The following VWA8 variants were observed in gnomAD, a reference collection of about 807,000 sequenced individuals.
The protein encoded by VWA8 is von Willebrand factor A domain-containing protein 8.
VWA8 carries 221 observed loss-of-function variants against 241.5 expected under a neutral mutation model. The ratio of observed to expected loss-of-function variants is 0.91; its 90% CI spans 0.82 to 1.02. The LOEUF (loss-of-function observed/expected upper bound fraction) is 1.02, where lower values mean the gene tolerates loss of function less well. VWA8 is among the 50% of genes least tolerant of loss of function. The pLI, the probability that VWA8 is intolerant of heterozygous loss-of-function variation, is 0.00. For missense variants in VWA8, 2,322 were observed against 2,328.7 expected, an observed-to-expected ratio of 1.00 and a Z score of 0.06; for synonymous variants, 852 against 827.1, an observed-to-expected ratio of 1.03 and a Z score of -0.52.
intron 2 of VWA8, among the ~76,000 whole-genome samples, chr13:41,924,930 A>G (rs1245743428): frequency 1.3e-5 from 2 of 152,108 alleles, no homozygotes; most frequent in Non-Finnish European, 1.5e-5. Flanking sequence ...AAAGTCTCCA[A>G]ACAGATTTAA....
chr13:41,611,480 G>C, intron 39 of VWA8, 96 bp downstream of exon 39: 1 of 1,465,762 alleles, frequency 6.8e-7, no homozygotes, highest in East Asian at 2.4e-5. Context: ...GCATGAGGTG[G>C]AGGTGGAAAC....
rs367772701 is a variant in VWA8, at chr13:41,618,453, T to A, written c.4612-3369A>T. 2.4e-4 allele frequency among the ~76,000 whole-genome samples: 37 copies of A among 152,372 alleles called. No individual in the cohort carries two copies. The East Asian group carries it at 5.2e-3, about 21-fold the overall frequency. ...TGTTCACTCTGATGGTAGTTTCTTTTGCTGTGCAGAAGCTCTTTAGTTTAT... is the reference window on the plus strand; with the variant it reads ...TGTTCACTCTGATGGTAGTTTCTTTAGCTGTGCAGAAGCTCTTTAGTTTAT... On this transcript the variant is annotated intron_variant, in intron 37 of 44. Coordinates refer to ENST00000379310, the MANE Select transcript of VWA8 (RefSeq NM_015058.2).
intron 37 of VWA8, among the ~76,000 whole-genome samples, chr13:41,641,020 C>G (rs909308998): frequency 2.0e-5 from 3 of 152,154 alleles, no homozygotes; most frequent in Admixed American, 6.5e-5. Context: ...TCCTCCTATT[C>G]TGTCCTGATT....
intron 21 of VWA8, among the ~76,000 whole-genome samples, chr13:41,742,402 A>C (rs1360152856): frequency 3.9e-5 from 6 of 152,354 alleles, no homozygotes; most frequent in African/African-American, 1.2e-4. Flanking sequence ...CAAAGGAGAC[A>C]GAGATGGGAA....
intron 24 of VWA8, among the ~76,000 whole-genome samples, chr13:41,723,168 T>A (rs1161652677): frequency 1.3e-5 from 2 of 152,176 alleles, no homozygotes; most frequent in African/African-American, 4.8e-5. Context: ...TCTGTCTCTC[T>A]CTCTTTCTTT....
rs781484442 is a variant in VWA8, at chr13:41,701,515, T to G, written c.3241A>C (p.Asn1081His). 5 of 1,606,756 alleles carry G rather than the reference T, an allele frequency of 3.1e-6. No individual in the cohort carries two copies. The Admixed American group carries it at 6.8e-5, about 22-fold the overall frequency. ...CTTTCTATTGGATACTCCTGTATAT[T>G]TATAAGTGCTGGACCCTATAATAAA... Reference protein sequence around the residue: ...HIDIKGPALINIQEYPIERHE... With the variant: ...HIDIKGPALIHIQEYPIERHE... The change falls in exon 28 of 45, where the codon AAT becomes CAT. Residue 1081 changes from asparagine (N) to histidine (H), a missense_variant. Coordinates refer to ENST00000379310, the MANE Select transcript of VWA8 (RefSeq NM_015058.2).
intron 26 of VWA8, among the ~76,000 whole-genome samples, chr13:41,716,212 A>G (rs1047964559): frequency 6.6e-6 from 1 of 152,046 alleles, no homozygotes; most frequent in Non-Finnish European, 1.5e-5. Flanking sequence ...GAAGAGCTCC[A>G]TTATGGCAGG....
rs1421391145 is a variant in VWA8, at chr13:41,911,897, TA to T, written c.372+140del. 9.1e-6 allele frequency: 10 copies of T among 1,092,990 alleles called. No homozygotes were observed. In the South Asian group the frequency reaches 2.7e-4, roughly 29 times the overall value. The allele number at this position is 1,092,990 out of a possible 1,614,324, so 67.7% of individuals were successfully genotyped here. The stretch of plus-strand genomic sequence containing the variant: ...CCCAAATAACTTATGCCAAACACTT[TA>T]TAAACAAATCACCCTTTGATGTCAG... On this transcript the variant is annotated intron_variant, in intron 3 of 44. Coordinates refer to ENST00000379310, the MANE Select transcript of VWA8 (RefSeq NM_015058.2).
intron 40 of VWA8, among the ~76,000 whole-genome samples, chr13:41,592,863 A>T (rs1488501986): frequency 6.6e-6 from 1 of 152,236 alleles, no homozygotes; most frequent in Non-Finnish European, 1.5e-5. Context: ...TAAAATGAAG[A>T]TAACACTAGT....
chr13:41,818,019 GT>G (rs1422181513), intron 15 of VWA8, among the ~76,000 whole-genome samples: 1 of 151,778 alleles, frequency 6.6e-6, no homozygotes, highest in Non-Finnish European at 1.5e-5. Flanking sequence ...CTGGAGTGCA[GT>G]GGTGTGATCT....
intron 26 of VWA8, among the ~76,000 whole-genome samples, chr13:41,706,299 G>A (rs988870928): frequency 6.6e-6 from 1 of 152,180 alleles, no homozygotes; most frequent in South Asian, 2.1e-4. Context: ...GGTTGGCAGG[G>A]TATGGGAAGG....
intron 40 of VWA8, among the ~76,000 whole-genome samples, chr13:41,592,875 T>C (rs1327385337): frequency 1.3e-5 from 2 of 152,230 alleles, no homozygotes; most frequent in African/African-American, 2.4e-5. Context: ...AACACTAGTC[T>C]CTACTTTAGT....
intron 17 of VWA8, among the ~76,000 whole-genome samples, chr13:41,791,465 A>G: frequency 6.6e-6 from 1 of 151,882 alleles, no homozygotes; most frequent in East Asian, 1.9e-4. Flanking sequence ...TAAAGAGATT[A>G]TAGAAAATTA....
chr13:41,755,197 A>T (rs572654776), intron 21 of VWA8, among the ~76,000 whole-genome samples: 39 of 152,164 alleles, frequency 2.6e-4, no homozygotes, highest in African/African-American at 9.1e-4. Context: ...ACTGTTCTCC[A>T]TAGTGGTTGT....
At chr13:41,912,014 A>C in intron 3 of VWA8, 24 bp downstream of exon 3, 1 of 1,533,420 alleles carries the variant, frequency 6.5e-7, no homozygotes, top group Non-Finnish European at 8.8e-7. Context: ...GACCCTTAGA[A>C]ATTGACAAGA....
chr13:41,901,885 A>AAC (rs1269263186), intron 4 of VWA8, among the ~76,000 whole-genome samples: 1 of 86,268 alleles, frequency 1.2e-5, no homozygotes, highest in Non-Finnish European at 2.5e-5. Context: ...AAAAAAAAAA[A>AAC]AAAAATATAT....
At chr13:41,876,803 G>A (rs1470010798) in intron 9 of VWA8, among the ~76,000 whole-genome samples, 1 of 149,974 alleles carries the variant, frequency 6.7e-6, no homozygotes. Flanking sequence ...TCTTCAAACA[G>A]TTGTTCCCAA....
rs963340543 is a variant in VWA8, at chr13:41,803,540, T to G, written c.2063+7685A>C. The stretch of plus-strand genomic sequence containing the variant: ...GCAGCAGACAAAAGAAGAGAACTTG[T>G]GCAGGGAAACTCCCCTTTATAAAAC... On this transcript the variant is annotated intron_variant, in intron 17 of 44. Coordinates refer to ENST00000379310, the MANE Select transcript of VWA8 (RefSeq NM_015058.2). 6.6e-5 allele frequency among the ~76,000 whole-genome samples: 10 copies of G among 152,136 alleles called. No individual in the cohort carries two copies. In the South Asian group the frequency reaches 2.1e-3, roughly 31 times the overall value.
Position 41,833,358 on chromosome 13 carries a change from G to A in VWA8, c.1586+13C>T. ...GTGTGTGTCTGTGTGTGATTTTTGTGACTCATACCCACCTTTGCAATACAG... is the reference window on the plus strand; with the variant it reads ...GTGTGTGTCTGTGTGTGATTTTTGTAACTCATACCCACCTTTGCAATACAG... On this transcript the variant is annotated intron_variant, in intron 13 of 44. Transcript: ENST00000379310. The A allele has an allele frequency of 6.3e-7, 1 of 1,591,834 alleles. No homozygotes were observed. The highest frequency in any genetic ancestry group is 1.1e-5 in the South Asian group (1 of 87,400).
Sources: gnomAD v4.1 joint callset for allele counts (sites outside exome capture counted in the v4.1 genomes callset) on GRCh38, gnomAD v4.1.1 for gene constraint, MANE v1.5 for transcripts, NCBI Gene and HGNC (gene_info 2026-07-23, HGNC 2026-07-21) for gene names.